Variants in DCC observed in about 807,000 individuals in gnomAD.
DCC encodes the protein netrin receptor DCC.
DCC carries 58 observed loss-of-function variants against 172.5 expected under a neutral mutation model. The ratio of observed to expected loss-of-function variants is 0.34; its 90% confidence interval spans 0.27 to 0.42. DCC has a LOEUF of 0.42. Ranked by LOEUF, DCC falls within the 10% of genes least tolerant of loss-of-function variation. DCC has a pLI of 1.00. For missense variants in DCC, 1,740 were observed against 1,791.0 expected, an observed-to-expected ratio of 0.97 and a Z score of 0.51; for synonymous variants, 709 against 644.5, an observed-to-expected ratio of 1.10 and a Z score of -1.52.
chr18:53,434,217 T>G (rs1469980707), intron 21 of DCC, among the ~76,000 whole-genome samples: 2 of 152,168 alleles, frequency 1.3e-5, no homozygotes, highest in African/African-American at 4.8e-5. Context: ...ATCCACTGAT[T>G]GGAACTGCTT....
intron 7 of DCC, among the ~76,000 whole-genome samples, chr18:53,076,124 A>G (rs2042722140): frequency 6.6e-6 from 1 of 152,190 alleles, no homozygotes; most frequent in African/African-American, 2.4e-5. Flanking sequence ...TTGCCAGGAT[A>G]GTATCCTGCC....
chr18:53,019,679 C>T (rs879268804), intron 5 of DCC, among the ~76,000 whole-genome samples: 6 of 151,876 alleles, frequency 4.0e-5, no homozygotes, highest in East Asian at 3.9e-4. Context: ...TTTTTTAGAC[C>T]GGGAATTGGC....
At chr18:52,424,867 T>C (rs895895197) in intron 1 of DCC, among the ~76,000 whole-genome samples, 2 of 151,588 alleles carry the variant, frequency 1.3e-5, no homozygotes, top group African/African-American at 4.9e-5. Flanking sequence ...ATTTATGTTA[T>C]ATTTCTTTCT....
chr18:53,089,560 AT>A (rs1430518215), intron 7 of DCC, among the ~76,000 whole-genome samples: 7 of 149,430 alleles, frequency 4.7e-5, no homozygotes, highest in Non-Finnish European at 1.0e-4. Context: ...GGATGGACTT[AT>A]TTTTTCCTCC....
chr18:53,527,986 GT>G (rs1321769161), intron 28 of DCC, among the ~76,000 whole-genome samples: 1 of 152,022 alleles, frequency 6.6e-6, no homozygotes, highest in Non-Finnish European at 1.5e-5. Context: ...CAACTAGCTT[GT>G]TTTCTTCATG....
Position 52,711,246 on chromosome 18 carries a change from A to C in DCC, c.92-40808A>C, listed in dbSNP as rs529270857. ...TTTATTTATTTGTTTTTTTATTTTG[A>C]GATGGAATTTCACTCTTGTTGCCCA... On this transcript the variant is annotated intron_variant, in intron 1 of 28. Coordinates refer to ENST00000442544, the MANE Select transcript of DCC (RefSeq NM_005215.4). Among the ~76,000 whole-genome samples, 4 of 152,080 alleles carry C rather than the reference A, an allele frequency of 2.6e-5. No homozygotes were observed. The South Asian group carries it at 8.3e-4, about 32-fold the overall frequency.
intron 2 of DCC, among the ~76,000 whole-genome samples, chr18:52,895,188 C>T (rs1347600538): frequency 6.6e-6 from 1 of 152,226 alleles, no homozygotes; most frequent in Non-Finnish European, 1.5e-5. Flanking sequence ...CTGAATTGTG[C>T]ATACTTCCAA....
rs1185677943 is a variant in DCC at position 52,752,227 on chromosome 18, A to C, written c.265A>C (p.Lys89Gln). Residue 89 changes from lysine (K) to glutamine (Q), a missense_variant, in exon 2 of 29, where the codon AAG (lysine) becomes CAG (glutamine). Physicochemically the swap from Lys to Gln is moderately conservative, Grantham distance 53 (BLOSUM62 1). Around this residue, in one of 2 missense-constraint regions of DCC, gnomAD observed 1,732 missense variants for 1,767.4 expected, o/e 0.98. Transcript: ENST00000442544. Reference sequence around the variant, plus strand: ...TCTGGCCTTGGGAATGGATGAAAGGAAGCAGCAACTTTCAAATGGGTCTCT... The same window carrying C: ...TCTGGCCTTGGGAATGGATGAAAGGCAGCAGCAACTTTCAAATGGGTCTCT... The part of the protein sequence containing the change: ...IHLALGMDER[K>Q]QQLSNGSLLI... 2.5e-6 allele frequency: 4 copies of C among 1,614,082 alleles called. No individual in the cohort carries two copies. Among genetic ancestry groups the C allele is most frequent in the Non-Finnish European group, 2.5e-6 (3 of 1,180,036 alleles).
intron 12 of DCC, among the ~76,000 whole-genome samples, chr18:53,282,754 CAGTTAT>C (rs934658333): frequency 6.6e-6 from 1 of 152,024 alleles, no homozygotes; most frequent in Non-Finnish European, 1.5e-5. Context: ...TTTTATCTCT[CAGTTAT>C]AAGATAGGCA....
At chr18:53,147,682 C>T (rs2043936415) in intron 7 of DCC, among the ~76,000 whole-genome samples, 2 of 152,148 alleles carry the variant, frequency 1.3e-5, no homozygotes, top group African/African-American at 4.8e-5. Flanking sequence ...ATTATCCTGT[C>T]TATCTGAAAC....
At chr18:53,258,476 A>G (rs1239948041) in intron 12 of DCC, among the ~76,000 whole-genome samples, 1 of 152,064 alleles carries the variant, frequency 6.6e-6, no homozygotes, top group Admixed American at 6.5e-5. Context: ...TGTACCCAGT[A>G]GTCATTCAGG....
At chr18:52,946,579 A>G (rs1259381735) in intron 5 of DCC, among the ~76,000 whole-genome samples, 1 of 152,132 alleles carries the variant, frequency 6.6e-6, no homozygotes, top group Non-Finnish European at 1.5e-5. Flanking sequence ...CTTCTGGGTC[A>G]TAGGCAGAAG....
At chr18:53,075,027 A>T (rs1402319987) in intron 7 of DCC, among the ~76,000 whole-genome samples, 1 of 152,136 alleles carries the variant, frequency 6.6e-6, no homozygotes, top group African/African-American at 2.4e-5. Context: ...GGTTTTGTTT[A>T]GTCTCAAGAA....
chr18:52,550,611 T>C (rs2032743152), intron 1 of DCC, among the ~76,000 whole-genome samples: 1 of 152,090 alleles, frequency 6.6e-6, no homozygotes, highest in Non-Finnish European at 1.5e-5. Context: ...GGCTCCAAGG[T>C]ACATATCCTA....
At chr18:52,768,571 T>C (rs891623538) in intron 2 of DCC, among the ~76,000 whole-genome samples, 6 of 152,230 alleles carry the variant, frequency 3.9e-5, no homozygotes, top group Admixed American at 3.9e-4. Flanking sequence ...TGCAGAATTC[T>C]TAGTCCCCTG....
chr18:52,873,061 A>G (rs1326203101), intron 2 of DCC, among the ~76,000 whole-genome samples: 1 of 152,224 alleles, frequency 6.6e-6, no homozygotes, highest in Non-Finnish European at 1.5e-5. Flanking sequence ...TGTCAATCTC[A>G]CAATTTGAAA....
At chr18:53,083,064 G>A (rs2144141367) in intron 7 of DCC, among the ~76,000 whole-genome samples, 1 of 151,748 alleles carries the variant, frequency 6.6e-6, no homozygotes, top group South Asian at 2.1e-4. Context: ...ATTTTTCCAA[G>A]TCATTATTGG....
chr18:53,407,352 A>G (rs539950176), intron 19 of DCC, among the ~76,000 whole-genome samples: 54 of 151,692 alleles, frequency 3.6e-4, no homozygotes, highest in South Asian at 8.3e-4. Flanking sequence ...ATTTTATTAG[A>G]TTTTTGGGGG....
At chr18:53,423,270 T>C (rs58500166) in intron 21 of DCC, among the ~76,000 whole-genome samples, 70,838 of 152,038 alleles carry the variant, frequency 0.47, 17,523 homozygotes, top group Non-Finnish European at 0.56. Flanking sequence ...CTTGTACAGA[T>C]ATTGGCCAAG....
Sources: allele counts gnomAD v4.1 joint callset (sites outside exome capture counted in the v4.1 genomes callset), GRCh38; gene constraint gnomAD v4.1.1; regional missense constraint gnomAD v4.1.1; transcripts MANE v1.5; gene names NCBI Gene and HGNC (gene_info 2026-07-23, HGNC 2026-07-21).